The following MLLT3 variants were observed in gnomAD, a reference collection of about 807,000 sequenced individuals.
The protein encoded by MLLT3 is MLLT3 super elongation complex subunit, also known as protein AF-9.
A neutral mutation model predicts 53.2 loss-of-function variants in MLLT3; 4 were observed. That is an observed-to-expected ratio of 0.08 (90% CI 0.04 to 0.17). The LOEUF (loss-of-function observed/expected upper bound fraction) is 0.17. Among genes scored for constraint, MLLT3 ranks in the 10% least tolerant of loss-of-function variants. The probability of loss-of-function intolerance (pLI) is 1.00; values close to 1 mark genes in which losing one functional copy is unlikely to be tolerated. For missense variants in MLLT3, 569 were observed against 684.0 expected (o/e 0.83, Z 1.87); for synonymous variants, 283 against 230.6 (o/e 1.23, Z -2.06).
At chr9:20,599,899 T>A (rs1264360436) in intron 2 of MLLT3, among the ~76,000 whole-genome samples, 2 of 152,162 alleles carry the variant, frequency 1.3e-5, no homozygotes, top group South Asian at 2.1e-4. Flanking sequence ...AAATTAAACC[T>A]TCAGTAACTA....
intron 2 of MLLT3, among the ~76,000 whole-genome samples, chr9:20,607,419 C>G (rs1391464575): frequency 6.6e-6 from 1 of 152,064 alleles, no homozygotes; most frequent in African/African-American, 2.4e-5. Flanking sequence ...CATTATCAAT[C>G]ACATTTAGAA....
chr9:20,446,430 A>G (rs1175107406), intron 4 of MLLT3, among the ~76,000 whole-genome samples: 1 of 152,202 alleles, frequency 6.6e-6, no homozygotes, highest in African/African-American at 2.4e-5. Flanking sequence ...ACTTTGCTGC[A>G]TTATCACTGA....
chr9:20,342,369 T>A lies in MLLT3; in HGVS notation c.*4074A>T, dbSNP rs984993680. On this transcript the variant is annotated 3_prime_UTR_variant, in exon 11 of 11. Coordinates refer to ENST00000380338, the MANE Select transcript of MLLT3 (RefSeq NM_004529.4). ...ATGTATCTTTCAACATAACTACACA[T>A]ACACAGTCCATTAAAAAGATACTGA... is the stretch of plus-strand genomic sequence containing the variant. 2 of 223,870 alleles carry A rather than the reference T, an allele frequency of 8.9e-6. No homozygotes were observed. The highest frequency in any genetic ancestry group is 1.8e-5 in the Non-Finnish European group (2 of 112,402). The allele number at this position is 223,870 out of a possible 1,614,324, so 13.9% of individuals were successfully genotyped here.
At chr9:20,420,041 C>T (rs577018885) in intron 4 of MLLT3, among the ~76,000 whole-genome samples, 1 of 152,128 alleles carries the variant, frequency 6.6e-6, no homozygotes, top group Non-Finnish European at 1.5e-5. Flanking sequence ...AAAGAAAGTG[C>T]TGGTATCTTT....
chr9:20,606,841 C>T (rs1371011091), intron 2 of MLLT3, among the ~76,000 whole-genome samples: 3 of 152,134 alleles, frequency 2.0e-5, no homozygotes, highest in Non-Finnish European at 4.4e-5. Flanking sequence ...CCCACAATGT[C>T]AAGTAGTTCT....
At chr9:20,475,475 G>C (rs1824497482) in intron 2 of MLLT3, among the ~76,000 whole-genome samples, 1 of 152,004 alleles carries the variant, frequency 6.6e-6, no homozygotes, top group African/African-American at 2.4e-5. Flanking sequence ...CTTCAGTTAA[G>C]AAATATTTAA....
chr9:20,482,106 A>G (rs778794671), intron 2 of MLLT3, among the ~76,000 whole-genome samples: 1 of 152,200 alleles, frequency 6.6e-6, no homozygotes, highest in Non-Finnish European at 1.5e-5. Flanking sequence ...CTTCATCCAC[A>G]TATTGTATTT....
At chr9:20,500,168 A>AT (rs1172782383) in intron 2 of MLLT3, among the ~76,000 whole-genome samples, 2 of 152,204 alleles carry the variant, frequency 1.3e-5, no homozygotes, top group African/African-American at 4.8e-5. Flanking sequence ...AGAGTTTCTC[A>AT]TTTGGCTGCA....
At chr9:20,513,219 T>C (rs1042498426) in intron 2 of MLLT3, among the ~76,000 whole-genome samples, 2 of 152,152 alleles carry the variant, frequency 1.3e-5, no homozygotes, top group African/African-American at 2.4e-5. Context: ...AGGAAACTGG[T>C]TTATACTGGC....
intron 2 of MLLT3, among the ~76,000 whole-genome samples, chr9:20,560,202 T>C (rs183440126): frequency 6.6e-6 from 1 of 152,110 alleles, no homozygotes; most frequent in Non-Finnish European, 1.5e-5. Flanking sequence ...CTGCCATGCA[T>C]AAGTTAAAGT....
At chr9:20,580,246 G>A (rs1819757439) in intron 2 of MLLT3, among the ~76,000 whole-genome samples, 1 of 152,046 alleles carries the variant, frequency 6.6e-6, no homozygotes, top group Admixed American at 6.6e-5. Flanking sequence ...AAACAAAACA[G>A]AAAGGTTAAA....
At chr9:20,487,113 C>A (rs1034252405) in intron 2 of MLLT3, among the ~76,000 whole-genome samples, 1 of 152,046 alleles carries the variant, frequency 6.6e-6, no homozygotes, top group African/African-American at 2.4e-5. Context: ...AGAATTATGG[C>A]AGAGAGGGCA....
Position 20,621,555 on chromosome 9 carries a change from G to A in MLLT3, c.12+690C>T, listed in dbSNP as rs1236990715. On this transcript the variant is annotated intron_variant, in intron 1 of 10. Coordinates refer to ENST00000380338, the MANE Select transcript of MLLT3 (RefSeq NM_004529.4). The surrounding 1 kb of genome is among the most constrained non-coding windows in gnomAD (Gnocchi z 7.0). The stretch of plus-strand genomic sequence containing the variant: ...CGCGATCGGCGAGGCCAGTCGAACC[G>A]AGCCCCCGCAACACACTTTCAAGAG... Among the ~76,000 whole-genome samples the A allele has an allele frequency of 4.0e-5, 6 of 149,868 alleles. No homozygotes were observed. In the East Asian group the frequency reaches 7.8e-4, roughly 19 times the overall value.
chr9:20,558,658 G>C (rs1183017282), intron 2 of MLLT3, among the ~76,000 whole-genome samples: 2 of 152,162 alleles, frequency 1.3e-5, no homozygotes, highest in African/African-American at 2.4e-5. Context: ...ACTCAGTCTG[G>C]GGTAGAGATC....
At chr9:20,435,749 T>C (rs985056465) in intron 4 of MLLT3, among the ~76,000 whole-genome samples, 1 of 152,132 alleles carries the variant, frequency 6.6e-6, no homozygotes, top group African/African-American at 2.4e-5. Flanking sequence ...TAGTTTTGTA[T>C]AGGGAACTTC....
At chr9:20,444,477 C>T in intron 4 of MLLT3, among the ~76,000 whole-genome samples, 1 of 152,126 alleles carries the variant, frequency 6.6e-6, no homozygotes, top group East Asian at 1.9e-4. Context: ...AATATAATAA[C>T]ATACAAAAAT....
intron 2 of MLLT3, among the ~76,000 whole-genome samples, chr9:20,487,308 C>G (rs942941950): frequency 6.6e-6 from 1 of 152,040 alleles, no homozygotes; most frequent in Non-Finnish European, 1.5e-5. Context: ...TCTAACTATC[C>G]AAGGCTAAAA....
At chr9:20,358,379 C>T (rs1168087320) in intron 8 of MLLT3, among the ~76,000 whole-genome samples, 2 of 152,128 alleles carry the variant, frequency 1.3e-5, no homozygotes, top group African/African-American at 2.4e-5. Flanking sequence ...GAAAGTGACA[C>T]ATAATACAGT....
At chr9:20,423,565 C>A (rs2118798421) in intron 4 of MLLT3, among the ~76,000 whole-genome samples, 2 of 151,908 alleles carry the variant, frequency 1.3e-5, no homozygotes, top group East Asian at 1.9e-4. Context: ...GTAATCCCTG[C>A]ATTTAGGGAG....
Sources: gnomAD v4.1 joint callset for allele counts (sites outside exome capture counted in the v4.1 genomes callset) on GRCh38, gnomAD v4.1.1 for gene constraint, Gnocchi (gnomAD v3.1) non-coding constraint, MANE v1.5 for transcripts, NCBI Gene and HGNC (gene_info 2026-07-23, HGNC 2026-07-21) for gene names.